The following SPPL3 variants were observed in gnomAD, a reference collection of about 807,000 sequenced individuals.
The protein encoded by SPPL3 is signal peptide peptidase like 3, also known as signal peptide peptidase-like 3.
Under a neutral mutation model 42.4 loss-of-function variants are expected in SPPL3, and 5 were observed. The ratio of observed to expected loss-of-function variants is 0.12; its 90% CI spans 0.06 to 0.25. The LOEUF is 0.25. Among genes scored for constraint, SPPL3 ranks in the 10% least tolerant of loss-of-function variants. SPPL3 has a pLI of 1.00. For missense variants in SPPL3, 235 were observed against 489.0 expected (o/e 0.48, Z 4.90); for synonymous variants, 195 against 181.8 (o/e 1.07, Z -0.58).
intron 1 of SPPL3, among the ~76,000 whole-genome samples, chr12:120,894,911 C>T (rs1316828146): frequency 2.6e-5 from 4 of 151,530 alleles, no homozygotes; most frequent in East Asian, 2.0e-4. Context: ...CGTGCCACCG[C>T]ACTCCAGCCC....
At chr12:120,767,299 C>G (rs1168582849) in intron 9 of SPPL3, 95 bp downstream of exon 9, 1 of 1,330,024 alleles carries the variant, frequency 7.5e-7, no homozygotes, top group Non-Finnish European at 1.0e-6. Flanking sequence ...TGCTCTCCTT[C>G]CATCCAGTAA....
rs552030690 is a variant in SPPL3 at position 120,777,269 on chromosome 12, GATATACTC to G, written c.502+5378_502+5385del. On this transcript the variant is annotated intron_variant, in intron 6 of 10. Transcript: ENST00000353487. Reference sequence around the variant, plus strand: ...CCACTGGACTAGGTAAGATTTAAGGGATATACTCATAAAAGAAGCTATGAGATTGATTT... The same window carrying G: ...CCACTGGACTAGGTAAGATTTAAGGGATAAAAGAAGCTATGAGATTGATTT... Among the ~76,000 whole-genome samples the G allele has an allele frequency of 3.0e-4, 46 of 152,270 alleles. 1 individual carries two copies. The East Asian group carries it at 8.9e-3, about 29-fold the overall frequency.
At chr12:120,832,762 A>T (rs1390481830) in intron 1 of SPPL3, among the ~76,000 whole-genome samples, 1 of 152,222 alleles carries the variant, frequency 6.6e-6, no homozygotes, top group Non-Finnish European at 1.5e-5. Context: ...TTGCCCTCAC[A>T]GCAGGTCCAA....
Position 120,769,072 on chromosome 12 carries a change from C to T in SPPL3, c.503-13G>A, listed in dbSNP as rs1566036658. The T allele has an allele frequency of 3.8e-6, 6 of 1,589,654 alleles. No homozygotes were observed. The highest frequency in any genetic ancestry group is 5.1e-6 in the Non-Finnish European group (6 of 1,166,112). On this transcript the variant is annotated splice_polypyrimidine_tract_variant and intron_variant, in intron 6 of 10. Transcript: ENST00000353487. ...CCCATGGCCAGTGCTGGGGAGGAGA[C>T]AGGGTACAGCAGACAGCAGTCAGTG...
chr12:120,884,163 A>C (rs1000895923), intron 1 of SPPL3, among the ~76,000 whole-genome samples: 3 of 152,114 alleles, frequency 2.0e-5, no homozygotes, highest in Admixed American at 6.5e-5. Context: ...AAGGGATGGT[A>C]AACAAAATTC....
rs553797560 is a variant in SPPL3, at chr12:120,822,620, C to A, written c.24-11734G>T. Among the ~76,000 whole-genome samples the A allele has an allele frequency of 1.1e-3, 167 of 152,106 alleles. 1 individual carries two copies. Among genetic ancestry groups the A allele is most frequent in the Non-Finnish European group, 2.0e-3 (137 of 68,018 alleles). On this transcript the variant is annotated intron_variant, in intron 1 of 10. Transcript: ENST00000353487. The stretch of plus-strand genomic sequence containing the variant: ...AGTTCATCCCTTACTTCTATCAGGA[C>A]AAACTAGGGTTTCTGTCTGGGATGA...
chr12:120,903,784 CG>C, intron 1 of SPPL3, 60 bp downstream of exon 1: 3 of 1,272,204 alleles, frequency 2.4e-6, no homozygotes, highest in Non-Finnish European at 3.1e-6. Context: ...CTCGGCGGGC[CG>C]CGCCGGCGCC....
At chr12:120,866,472 T>C (rs948849529) in intron 1 of SPPL3, among the ~76,000 whole-genome samples, 1 of 152,130 alleles carries the variant, frequency 6.6e-6, no homozygotes, top group African/African-American at 2.4e-5. Context: ...ATAGTCAACA[T>C]CAAAAGTCAT....
chr12:120,880,087 A>G (rs1179083944), intron 1 of SPPL3, among the ~76,000 whole-genome samples: 1 of 151,404 alleles, frequency 6.6e-6, no homozygotes, highest in African/African-American at 2.4e-5. Flanking sequence ...TTTCCTACAT[A>G]TTGACTCACA....
At chr12:120,823,046 T>A (rs892620953) in intron 1 of SPPL3, among the ~76,000 whole-genome samples, 1 of 151,818 alleles carries the variant, frequency 6.6e-6, no homozygotes, top group Non-Finnish European at 1.5e-5. Context: ...CATGGAGGCC[T>A]ATGTGACAGT....
chr12:120,872,357 G>A (rs1189447717), intron 1 of SPPL3, among the ~76,000 whole-genome samples: 1 of 152,138 alleles, frequency 6.6e-6, no homozygotes, highest in Non-Finnish European at 1.5e-5. Context: ...TAGACACTGG[G>A]CAAAAAGTAG....
chr12:120,808,830 G>A (rs541482409), intron 2 of SPPL3, among the ~76,000 whole-genome samples: 19 of 152,340 alleles, frequency 1.2e-4, no homozygotes, highest in African/African-American at 4.6e-4. Flanking sequence ...ACTGAAAGTA[G>A]TATTAGGGTT....
At chr12:120,779,281 TC>T (rs1207964130) in intron 6 of SPPL3, among the ~76,000 whole-genome samples, 1 of 152,102 alleles carries the variant, frequency 6.6e-6, no homozygotes, top group Non-Finnish European at 1.5e-5. Flanking sequence ...ATGATGAACA[TC>T]AACCCCAACA....
At chr12:120,824,343 G>T (rs1266060846) in intron 1 of SPPL3, among the ~76,000 whole-genome samples, 2 of 151,962 alleles carry the variant, frequency 1.3e-5, no homozygotes, top group African/African-American at 4.8e-5. Flanking sequence ...GGATTCTGGT[G>T]GAAACGTTAG....
intron 2 of SPPL3, among the ~76,000 whole-genome samples, chr12:120,808,944 G>C (rs1032562637): frequency 2.0e-5 from 3 of 152,230 alleles, no homozygotes; most frequent in Non-Finnish European, 4.4e-5. Flanking sequence ...CCACAGGGTA[G>C]AGATGCAAAA....
chr12:120,817,097 C>T (rs1315815461), intron 1 of SPPL3, among the ~76,000 whole-genome samples: 1 of 151,390 alleles, frequency 6.6e-6, no homozygotes, highest in Non-Finnish European at 1.5e-5. Context: ...CAAGACCAGC[C>T]TGGGCAACAA....
rs1872338842 is a variant in SPPL3, at chr12:120,853,705, C to G, written c.24-42819G>C. ...AAAACACAGATCGCTGTACCTACCC[C>G]AGAGTTTCTGGTTCAGCAGATCTGG... On this transcript the variant is annotated intron_variant, in intron 1 of 10. Coordinates refer to ENST00000353487, the MANE Select transcript of SPPL3 (RefSeq NM_139015.5). 2.0e-5 allele frequency among the ~76,000 whole-genome samples: 3 copies of G among 152,222 alleles called. No homozygotes were observed. The South Asian group carries it at 6.2e-4, about 32-fold the overall frequency.
At chr12:120,839,112 T>G (rs1310997553) in intron 1 of SPPL3, among the ~76,000 whole-genome samples, 2 of 151,934 alleles carry the variant, frequency 1.3e-5, no homozygotes, top group African/African-American at 4.8e-5. Flanking sequence ...CCAACCCAAA[T>G]GTCCAACAAT....
At position 120,782,743 on chromosome 12, in the gene SPPL3, A is replaced by T; in HGVS notation, c.414T>A (p.Arg138=). 6.2e-7 allele frequency: 1 copy of T among 1,608,366 alleles called. No homozygotes were observed. Residue 138 remains arginine, a synonymous_variant, in exon 6 of 11, where the codon CGT becomes CGA. Transcript: ENST00000353487. ...ATGACAGCAACTCAGCAGCAGTGAA[A>T]CGTCCACAGCAACCAAAGGAAATCC... ...QNKISFGCCG[R]FTAAELLSFS...
Sources: allele counts gnomAD v4.1 joint callset (sites outside exome capture counted in the v4.1 genomes callset), GRCh38; gene constraint gnomAD v4.1.1; transcripts MANE v1.5; gene names NCBI Gene and HGNC (gene_info 2026-07-23, HGNC 2026-07-21).